The following PEX11G variants were observed in gnomAD, a reference collection of about 807,000 sequenced individuals.
The protein encoded by PEX11G is peroxisomal membrane protein 11C.
PEX11G carries 20 observed loss-of-function variants against 22.5 expected under a neutral mutation model. That is an observed-to-expected ratio of 0.89 (90% confidence interval 0.62 to 1.29). The LOEUF (loss-of-function observed/expected upper bound fraction) is 1.29. Among genes scored for constraint, PEX11G ranks in the 50% most tolerant of loss-of-function variants. The pLI, the probability that PEX11G is intolerant of heterozygous loss-of-function variation, is 0.00. For synonymous variants in PEX11G, 141 were observed against 154.5 expected (o/e 0.91, Z 0.65); for missense variants, 347 against 331.3 (o/e 1.05, Z -0.37).
Position 7,485,885 on chromosome 19 carries a change from C to A in PEX11G, c.202G>T (p.Asp68Tyr), listed in dbSNP as rs1460052052. 3.1e-6 allele frequency: 5 copies of A among 1,613,372 alleles called. No individual in the cohort carries two copies. In the Admixed American group the frequency reaches 6.7e-5, roughly 22 times the overall value. ...HCRTILRLFD[D>Y]LAMFVYTKQY... is the part of the protein sequence containing the mutation. ...TTAGTGTAGACAAACATGGCCAGGT[C>A]ATCAAAGAGTCGCAAGATGGTCCTG... The change falls in exon 2 of 5, where the codon GAC becomes TAC. Residue 68 changes from aspartate (D) to tyrosine (Y), a missense_variant. Transcript: ENST00000221480.
Position 7,477,232 on chromosome 19 carries a change from G to A in PEX11G, c.696C>T (p.Ala232=), listed in dbSNP as rs7256275. 0.086 allele frequency: 132,444 copies of A among 1,535,104 alleles called. 6,967 individuals are homozygous for A. Among genetic ancestry groups the A allele is most frequent in the African/African-American group, 0.21 (15,214 of 71,900 alleles). ...SILSMYQAAR[A]GGQAEATTP ...GGGTAGTGGCCTCGGCCTGGCCGCC[G>A]GCCCGGGCCGCCTGGTACATGCTGA... The change falls in exon 5 of 5, where the codon GCC becomes GCT. Residue 232 remains alanine (A), a synonymous_variant. Transcript: ENST00000221480.
chr19:7,492,645 T>C (rs992821081), upstream of PEX11G, among the ~76,000 whole-genome samples: 1 of 152,184 alleles, frequency 6.6e-6, no homozygotes, highest in Non-Finnish European at 1.5e-5. Context: ...TTTCGCCATG[T>C]TGGCCAGGCT....
At chr19:7,480,247 C>CAAA (rs59917736) in intron 3 of PEX11G, among the ~76,000 whole-genome samples, 3 of 135,326 alleles carry the variant, frequency 2.2e-5, no homozygotes, top group Non-Finnish European at 4.9e-5. Context: ...CAGCCTGTCT[C>CAAA]AAAAAAAAAA....
At chr19:7,477,915 G>A (rs184582570) in intron 4 of PEX11G, among the ~76,000 whole-genome samples, 57 of 152,324 alleles carry the variant, frequency 3.7e-4, no homozygotes, top group East Asian at 5.8e-4. Context: ...CCAGCTACTC[G>A]GGAAGCTGAA....
In PEX11G at chr19:7,482,114, C is replaced by T. The variant is rs761081474; in HGVS notation, c.347G>A (p.Arg116Gln). ...CEHVAWAADA[R>Q]VLHVDSSRWW... ...CCGAGAAGAGTCCACGTGGAGGACC[C>T]GGGCATCAGCCGCCCAGGCCACGTG... The change falls in exon 3 of 5, where the codon CGG becomes CAG. Residue 116 changes from arginine to glutamine, a missense_variant. Arg to Gln is a conservative substitution (Grantham distance 43). Coordinates refer to ENST00000221480, the MANE Select transcript of PEX11G (RefSeq NM_080662.4). 5 of 1,600,820 alleles carry T rather than the reference C, an allele frequency of 3.1e-6. No individual in the cohort carries two copies. The highest frequency in any genetic ancestry group is 3.4e-5 in the Admixed American group (2 of 58,444).
chr19:7,478,232 C>A, intron 4 of PEX11G, 82 bp downstream of exon 4: 1 of 1,466,974 alleles, frequency 6.8e-7, no homozygotes, highest in Non-Finnish European at 9.3e-7. Context: ...CAGCATGGGC[C>A]TGCACAGGGG....
At chr19:7,492,471 T>C (rs1179281374), upstream of PEX11G, among the ~76,000 whole-genome samples, 13 of 151,680 alleles carry the variant, frequency 8.6e-5, no homozygotes, top group Admixed American at 8.5e-4. Context: ...TGAGACAGAG[T>C]GTCACTCTAT....
upstream of PEX11G, chr19:7,489,053 G>A (rs759488785): frequency 2.0e-6 from 3 of 1,479,248 alleles, no homozygotes; most frequent in Admixed American, 4.7e-5. Flanking sequence ...CGCCGCGCCA[G>A]GGGGCGGGGC....
upstream of PEX11G, among the ~76,000 whole-genome samples, chr19:7,493,866 C>T (rs1176390301): frequency 6.7e-6 from 1 of 148,834 alleles, no homozygotes; most frequent in Non-Finnish European, 1.5e-5. Flanking sequence ...CTTGGGTCCA[C>T]GGGTCTTTGT....
At chr19:7,490,327 A>T (rs1568385206), upstream of PEX11G, among the ~76,000 whole-genome samples, 3 of 145,988 alleles carry the variant, frequency 2.1e-5, no homozygotes, top group Admixed American at 6.9e-5. Flanking sequence ...TCCCTTGTTA[A>T]TTTTTTTTTT....
intron 2 of PEX11G, among the ~76,000 whole-genome samples, chr19:7,484,501 G>A (rs1352228430): frequency 3.3e-5 from 5 of 151,840 alleles, no homozygotes; most frequent in South Asian, 2.1e-4. Flanking sequence ...GGCCGGGCAC[G>A]GTGGCGCACA....
rs566027935 is a variant in PEX11G at position 7,477,203 on chromosome 19, CA to C, written c.724del (p.Ter242AspfsTer37). On this transcript the variant is annotated frameshift_variant and stop_lost, in exon 5 of 5. Transcript: ENST00000221480. LOFTEE classifies it high-confidence loss of function. Reference protein sequence around the residue: ...AGGQAEATTP* With the variant: ...AGGQAEATTPX ...TGTCCCTGTGCTCTTCCGGCAGTGTCAGGGGGTAGTGGCCTCGGCCTGGCCG... is the reference window on the plus strand; with the variant it reads ...TGTCCCTGTGCTCTTCCGGCAGTGTCGGGGGTAGTGGCCTCGGCCTGGCCG... The C allele has an allele frequency of 3.1e-4, 467 of 1,491,044 alleles. 2 individuals are homozygous for C. In the East Asian group the frequency reaches 0.011, roughly 36 times the overall value. The allele number at this position is 1,491,044 out of a possible 1,614,324, so 92.4% of individuals were successfully genotyped here. A position where few individuals can be genotyped will look rare whatever the true frequency, so the allele number is the denominator to read the frequency against.
At chr19:7,492,354 A>G (rs1450177638), upstream of PEX11G, among the ~76,000 whole-genome samples, 1 of 152,160 alleles carries the variant, frequency 6.6e-6, no homozygotes, top group Non-Finnish European at 1.5e-5. Flanking sequence ...TATGATAGCC[A>G]TCGTAGTAGG....
chr19:7,494,804 C>T (rs1413085156), intron 1 of PEX11G, among the ~76,000 whole-genome samples: 1 of 152,144 alleles, frequency 6.6e-6, no homozygotes, highest in Non-Finnish European at 1.5e-5. Context: ...TCTGTGACCG[C>T]GGCAGAGCAA....
At chr19:7,479,056 G>C (rs1364412749) in intron 3 of PEX11G, among the ~76,000 whole-genome samples, 1 of 152,240 alleles carries the variant, frequency 6.6e-6, no homozygotes, top group Non-Finnish European at 1.5e-5. Flanking sequence ...AATGGGCAGG[G>C]CCTGGTCACA....
In PEX11G at chr19:7,485,929, GACA is replaced by G; in HGVS notation, c.155_157del (p.Val52_Ser53delinsAla). ...GGTCCTGCAGTGGCTGAGTTGGGTGGACACCACCAACAGACGTGTCCCCACTTC... is the reference window on the plus strand; with the variant it reads ...GGTCCTGCAGTGGCTGAGTTGGGTGGCCACCAACAGACGTGTCCCCACTTC... On this transcript the variant is annotated inframe_deletion, in exon 2 of 5. Transcript: ENST00000221480. The G allele has an allele frequency of 6.2e-7, 1 of 1,613,740 alleles. No homozygotes were observed. The highest frequency in any genetic ancestry group is 2.2e-5 in the East Asian group (1 of 44,868).
At chr19:7,479,510 C>T (rs986368028) in intron 3 of PEX11G, among the ~76,000 whole-genome samples, 2 of 152,170 alleles carry the variant, frequency 1.3e-5, no homozygotes, top group Non-Finnish European at 2.9e-5. Flanking sequence ...GCCCTGGGCG[C>T]CGGACCCAGG....
chr19:7,478,527 T>C (rs1049041163), intron 3 of PEX11G, 151 bp from the exon 4 acceptor site: 3 of 782,858 alleles, frequency 3.8e-6, no homozygotes, highest in African/African-American at 3.4e-5. Flanking sequence ...CACACCCTCC[T>C]GGCTGTGCCT....
At chr19:7,493,387 G>T (rs547148389), upstream of PEX11G, among the ~76,000 whole-genome samples, 6 of 152,054 alleles carry the variant, frequency 3.9e-5, no homozygotes, top group African/African-American at 9.6e-5. Context: ...TAGAAATAGG[G>T]TCTCACCATG....
Sources: allele counts gnomAD v4.1 joint callset (sites outside exome capture counted in the v4.1 genomes callset), GRCh38; gene constraint gnomAD v4.1.1; transcripts MANE v1.5; gene names NCBI Gene and HGNC (gene_info 2026-07-23, HGNC 2026-07-21).